Variants in DPP3 observed in about 807,000 individuals in gnomAD.
The protein encoded by DPP3 is DPP III.
Under a neutral mutation model 89.8 loss-of-function variants are expected in DPP3, and 64 were observed. That is an observed-to-expected ratio of 0.71 (90% CI 0.58 to 0.88). The LOEUF (loss-of-function observed/expected upper bound fraction) is 0.88, where lower values mean the gene tolerates loss of function less well. Ranked by LOEUF, DPP3 falls within the 40% of genes least tolerant of loss-of-function variation. The pLI is 0.00. For synonymous variants in DPP3, 377 were observed against 404.3 expected (o/e 0.93, Z 0.81); for missense variants, 835 against 972.5 (o/e 0.86, Z 1.88).
rs181444021 is a variant in DPP3 at position 66,488,418 on chromosome 11, C to T, written c.667+411C>T. ...CTCTACTAAAAATACAGAAATTAGC[C>T]GGGCGTGGTGGCGTGTGCCTGTAAT... On this transcript the variant is annotated intron_variant, in intron 6 of 17. Coordinates refer to ENST00000531863, the MANE Select transcript of DPP3 (RefSeq NM_130443.4). Among the ~76,000 whole-genome samples, 142 of 152,188 alleles carry T rather than the reference C, an allele frequency of 9.3e-4. 1 individual carries two copies. Among genetic ancestry groups the T allele is most frequent in the African/African-American group, 3.3e-3 (137 of 41,516 alleles).
intron 2 of DPP3, among the ~76,000 whole-genome samples, chr11:66,484,439 G>A (rs1251202726): frequency 6.6e-6 from 1 of 152,084 alleles, no homozygotes; most frequent in Non-Finnish European, 1.5e-5. Context: ...TGCAGTCTTC[G>A]TCTCTCAGCT....
At position 66,495,762 on chromosome 11, in the gene DPP3, G is replaced by A. The variant is rs1435947736; in HGVS notation, c.1698+12G>A. 7.5e-6 allele frequency: 12 copies of A among 1,597,026 alleles called. No individual in the cohort carries two copies. Among genetic ancestry groups the A allele is most frequent in the Non-Finnish European group, 9.4e-6 (11 of 1,172,476 alleles). On this transcript the variant is annotated intron_variant, in intron 15 of 17. Transcript: ENST00000531863. ...TCAACTGGCGACAGGTAGGGCCTAGGTGGAGCCCCCTGGAGGCGGAAGGGA... is the reference window on the plus strand; with the variant it reads ...TCAACTGGCGACAGGTAGGGCCTAGATGGAGCCCCCTGGAGGCGGAAGGGA...
chr11:66,491,339 G>A lies in DPP3; in HGVS notation c.754G>A (p.Ala252Thr), dbSNP rs200834438. 75 of 1,613,870 alleles carry A rather than the reference G, an allele frequency of 4.6e-5. No individual in the cohort carries two copies. The highest frequency in any genetic ancestry group is 6.3e-5 in the Non-Finnish European group (74 of 1,179,998). ...TTTCCAGGTGACCCGGGGGGACTAC[G>A]CGCCCATCCTCCAGAAGGTGGTGGA... ...SPFQVTRGDY[A>T]PILQKVVEQL... is the part of the protein sequence containing the mutation. The change falls in exon 7 of 18, where the codon GCG (alanine) becomes ACG (threonine). Residue 252 changes from alanine (A) to threonine (T), a missense_variant. Ala to Thr is a moderately conservative substitution (Grantham distance 58). Coordinates refer to ENST00000531863, the MANE Select transcript of DPP3 (RefSeq NM_130443.4).
intron 3 of DPP3, 83 bp from the exon 4 acceptor site, chr11:66,486,457 G>C: frequency 7.2e-7 from 1 of 1,385,586 alleles, no homozygotes; most frequent in Non-Finnish European, 9.4e-7. Context: ...GATCATAGGA[G>C]AAGAGCTTGG....
At chr11:66,489,269 A>G (rs1209357972) in intron 6 of DPP3, among the ~76,000 whole-genome samples, 2 of 152,086 alleles carry the variant, frequency 1.3e-5, no homozygotes, top group South Asian at 4.1e-4. Flanking sequence ...TAGGCCATGC[A>G]TGGACTTGCC....
chr11:66,497,576 G>A, intron 16 of DPP3, 99 bp downstream of exon 16: 8 of 1,447,158 alleles, frequency 5.5e-6, no homozygotes, highest in Non-Finnish European at 7.3e-6. Context: ...AGTTTCTTAT[G>A]CTGCAGTGAG....
chr11:66,508,508 G>A (rs938478431), intron 17 of DPP3, among the ~76,000 whole-genome samples: 2 of 152,028 alleles, frequency 1.3e-5, no homozygotes, highest in Non-Finnish European at 2.9e-5. Flanking sequence ...GGCACCTGGT[G>A]TCTTTTATTA....
intron 1 of DPP3, 168 bp downstream of exon 1, chr11:66,480,633 C>G: frequency 1.4e-6 from 1 of 731,970 alleles, no homozygotes; most frequent in Non-Finnish European, 2.0e-6. Flanking sequence ...AAAGAGTTAA[C>G]AGCCCTTTCC....
chr11:66,489,157 C>T (rs1296458071), intron 6 of DPP3, among the ~76,000 whole-genome samples: 3 of 152,200 alleles, frequency 2.0e-5, no homozygotes, highest in Admixed American at 1.3e-4. Flanking sequence ...TGAGCCACCG[C>T]GCCTGGCCCC....
intron 17 of DPP3, among the ~76,000 whole-genome samples, 194 bp downstream of exon 17, chr11:66,504,968 C>A (rs112017214): frequency 2.0e-5 from 3 of 152,280 alleles, no homozygotes; most frequent in African/African-American, 7.2e-5. Context: ...ACCCACCACC[C>A]CCCCGACACA....
At chr11:66,480,706 G>T in intron 1 of DPP3, 1 of 422,312 alleles carries the variant, frequency 2.4e-6, no homozygotes. Context: ...GAGGAGGCTG[G>T]ACACTCTGTC....
At chr11:66,481,041 TTC>T (rs1327141525) in intron 1 of DPP3, 1 of 152,322 alleles carries the variant, frequency 6.6e-6, no homozygotes, top group Non-Finnish European at 1.5e-5. Flanking sequence ...ATTGGGGTTA[TTC>T]TCTCTTTTAT....
rs201440273 is a variant in DPP3, at chr11:66,491,567, A to G, written c.872A>G (p.Glu291Gly). 2 of 1,613,762 alleles carry G rather than the reference A, an allele frequency of 1.2e-6. No homozygotes were observed. Among genetic ancestry groups the G allele is most frequent in the Middle Eastern group, 3.3e-4 (2 of 6,082 alleles). The change falls in exon 8 of 18, where the codon GAG (glutamate) becomes GGG (glycine). Residue 291 changes from glutamate to glycine, a missense_variant. Transcript: ENST00000531863. ...YIESFTQGSIEAHKRGSRFWI... is the reference protein window; with the variant it reads ...YIESFTQGSIGAHKRGSRFWI... The stretch of plus-strand genomic sequence containing the variant: ...GAGAGCTTCACCCAGGGCTCCATCG[A>G]GGCCCACAAGAGGGGCTCCCGCTTC...
intron 12 of DPP3, among the ~76,000 whole-genome samples, chr11:66,494,248 G>T (rs939672617): frequency 6.6e-6 from 1 of 152,146 alleles, no homozygotes; most frequent in African/African-American, 2.4e-5. Context: ...AAAAGCTGAT[G>T]TGGACCCCCA....
In DPP3 at chr11:66,495,448, G is replaced by C. The variant is rs754049394; in HGVS notation, c.1536G>C (p.Glu512Asp). 1 of 1,612,402 alleles carries C rather than the reference G, an allele frequency of 6.2e-7. No individual in the cohort carries two copies. The highest frequency in any genetic ancestry group is 1.1e-5 in the South Asian group (1 of 90,882). ...CCAGCTACGAAGAGTGCCGGGCTGAGAGCGTGGGTCTCTACCTCTGTCTCC... is the reference window on the plus strand; with the variant it reads ...CCAGCTACGAAGAGTGCCGGGCTGACAGCGTGGGTCTCTACCTCTGTCTCC... ...IASSYEECRA[E>D]SVGLYLCLHP... Residue 512 changes from glutamate (E) to aspartate (D), a missense_variant, in exon 14 of 18, where the codon GAG becomes GAC. Coordinates refer to ENST00000531863, the MANE Select transcript of DPP3 (RefSeq NM_130443.4).
intron 6 of DPP3, among the ~76,000 whole-genome samples, chr11:66,490,145 TAAAAAAAAAAAAAAAAAA>T (rs201526861): frequency 1.1e-5 from 1 of 94,826 alleles, no homozygotes; most frequent in African/African-American, 3.3e-5. Context: ...AGATCCTATC[TAAAAAAAAAAAAAAAAAA>T]AAAAAAAAAA....
rs761551518 is a variant in DPP3 at position 66,487,219 on chromosome 11, C to T, written c.499-49C>T. The T allele has an allele frequency of 3.1e-6, 5 of 1,589,028 alleles. No individual in the cohort carries two copies. The Admixed American group carries it at 8.3e-5, about 27-fold the overall frequency. On this transcript the variant is annotated intron_variant, in intron 4 of 17. Coordinates refer to ENST00000531863, the MANE Select transcript of DPP3 (RefSeq NM_130443.4). ...CCTGGGAATATGACGTCCCTGCAGC[C>T]CTGACCTTGGCAACTCCTCTTTCTC...
At chr11:66,486,413 G>T (rs1264855552) in intron 3 of DPP3, 127 bp from the exon 4 acceptor site, 2 of 1,208,290 alleles carry the variant, frequency 1.7e-6, no homozygotes, top group African/African-American at 3.1e-5. Context: ...AAGTGCTGCT[G>T]GTCCATGGAC....
chr11:66,497,197 A>T, intron 15 of DPP3, 101 bp from the exon 16 acceptor site: 1 of 1,451,238 alleles, frequency 6.9e-7, no homozygotes, highest in Non-Finnish European at 9.2e-7. Flanking sequence ...GGCAACTGGG[A>T]CCAAGGACCA....
Sources: gnomAD v4.1 joint callset for allele counts (sites outside exome capture counted in the v4.1 genomes callset) on GRCh38, gnomAD v4.1.1 for gene constraint, MANE v1.5 for transcripts, NCBI Gene and HGNC (gene_info 2026-07-23, HGNC 2026-07-21) for gene names.